Variants in NELL1 observed in about 807,000 individuals in gnomAD.
The protein encoded by NELL1 is protein kinase C-binding protein NELL1.
Under a neutral mutation model 107.4 loss-of-function variants are expected in NELL1, and 76 were observed. The ratio of observed to expected loss-of-function variants is 0.71; its 90% CI spans 0.59 to 0.86. The LOEUF (loss-of-function observed/expected upper bound fraction) is 0.86, where lower values mean the gene tolerates loss of function less well. Ranked by LOEUF, NELL1 falls within the 40% of genes least tolerant of loss-of-function variation. NELL1 has a pLI of 0.00. For missense variants in NELL1, 1,024 were observed against 1,005.5 expected, an observed-to-expected ratio of 1.02 and a Z score of -0.25; for synonymous variants, 353 against 341.2, an observed-to-expected ratio of 1.03 and a Z score of -0.38.
chr11:21,480,472 A>G (rs2133899038), intron 15 of NELL1, among the ~76,000 whole-genome samples: 1 of 152,324 alleles, frequency 6.6e-6, no homozygotes, highest in East Asian at 1.9e-4. Flanking sequence ...TCCTTTCAGA[A>G]GTGAAGCTAT....
At chr11:21,526,613 G>A (rs146403337) in intron 15 of NELL1, among the ~76,000 whole-genome samples, 401 of 152,286 alleles carry the variant, frequency 2.6e-3, no homozygotes, top group East Asian at 4.4e-3. Context: ...AGGCATTTCC[G>A]TACATCCTCT....
intron 15 of NELL1, among the ~76,000 whole-genome samples, chr11:21,371,900 A>AT (rs969851565): frequency 5.9e-5 from 9 of 152,038 alleles, no homozygotes; most frequent in South Asian, 2.1e-4. Flanking sequence ...TTTAGATAAC[A>AT]TTTTTTTATG....
intron 5 of NELL1, among the ~76,000 whole-genome samples, chr11:20,886,254 T>C (rs1344368719): frequency 6.6e-6 from 1 of 151,722 alleles, no homozygotes; most frequent in African/African-American, 2.4e-5. Context: ...ACATCCAAAA[T>C]TTTTTTTAAA....
intron 12 of NELL1, among the ~76,000 whole-genome samples, chr11:21,030,253 C>T (rs1433298800): frequency 6.6e-6 from 1 of 152,168 alleles, no homozygotes; most frequent in Non-Finnish European, 1.5e-5. Flanking sequence ...GGAAGGGTCC[C>T]TGATTCTTCC....
intron 12 of NELL1, among the ~76,000 whole-genome samples, chr11:21,034,328 G>T (rs1406243808): frequency 2.0e-5 from 3 of 152,116 alleles, no homozygotes; most frequent in African/African-American, 7.2e-5. Flanking sequence ...TAGGTACGTG[G>T]CCTTATTTCT....
intron 15 of NELL1, among the ~76,000 whole-genome samples, chr11:21,393,870 A>G (rs913174286): frequency 1.3e-5 from 2 of 151,596 alleles, no homozygotes; most frequent in Non-Finnish European, 3.0e-5. Context: ...AGGTACTTTT[A>G]TATCCTTTTC....
intron 3 of NELL1, among the ~76,000 whole-genome samples, chr11:20,819,457 G>T (rs1226736196): frequency 6.6e-6 from 1 of 152,204 alleles, no homozygotes; most frequent in Non-Finnish European, 1.5e-5. Context: ...GATGTCCAGT[G>T]CCCACTTGGG....
Position 20,996,750 on chromosome 11 carries a change from C to A in NELL1, c.1300+36190C>A, listed in dbSNP as rs1231637264. On this transcript the variant is annotated intron_variant, in intron 12 of 19. Coordinates refer to ENST00000357134, the MANE Select transcript of NELL1 (RefSeq NM_006157.5). ...GCTCTCCTTCTAGACTTCCAGACAG[C>A]AAATTGAGTAGCAAATTCTTTGTTC... 4.2e-4 allele frequency among the ~76,000 whole-genome samples: 64 copies of A among 152,290 alleles called. 1 individual carries two copies. The highest frequency in any genetic ancestry group is 4.1e-3 in the Admixed American group (63 of 15,294).
intron 12 of NELL1, among the ~76,000 whole-genome samples, chr11:21,067,648 G>C (rs2134373098): frequency 6.6e-6 from 1 of 152,266 alleles, no homozygotes; most frequent in African/African-American, 2.4e-5. Context: ...AAAATGCTTT[G>C]GAGAGCATTG....
intron 15 of NELL1, among the ~76,000 whole-genome samples, chr11:21,530,233 G>A (rs771978674): frequency 6.6e-6 from 1 of 152,098 alleles, no homozygotes; most frequent in Admixed American, 6.6e-5. Flanking sequence ...CACTACTTCA[G>A]TGCAAGCTTT....
chr11:21,035,563 C>T (rs1478781482), intron 12 of NELL1, among the ~76,000 whole-genome samples: 9 of 151,180 alleles, frequency 6.0e-5, no homozygotes, highest in Admixed American at 4.0e-4. Context: ...TTCCCTCGAA[C>T]GCAAGCTTGG....
At chr11:21,321,146 C>T (rs1440238261) in intron 14 of NELL1, among the ~76,000 whole-genome samples, 1 of 152,190 alleles carries the variant, frequency 6.6e-6, no homozygotes, top group Non-Finnish European at 1.5e-5. Context: ...AATTCCCTGG[C>T]TCTGAAAATG....
chr11:21,435,856 T>C (rs1016308501), intron 15 of NELL1, among the ~76,000 whole-genome samples: 3 of 151,822 alleles, frequency 2.0e-5, no homozygotes, highest in Non-Finnish European at 4.4e-5. Flanking sequence ...GCTGGCTTCA[T>C]AGAATGAGTT....
At chr11:20,752,432 C>G (rs1564893545) in intron 2 of NELL1, among the ~76,000 whole-genome samples, 1 of 152,122 alleles carries the variant, frequency 6.6e-6, no homozygotes, top group Non-Finnish European at 1.5e-5. Context: ...GCCTGTAATC[C>G]CAGCTACTTG....
intron 15 of NELL1, among the ~76,000 whole-genome samples, chr11:21,407,592 C>T (rs1173163062): frequency 6.6e-6 from 1 of 151,480 alleles, no homozygotes; most frequent in Non-Finnish European, 1.5e-5. Flanking sequence ...TTACTTAACT[C>T]TACTCCTTAT....
intron 2 of NELL1, among the ~76,000 whole-genome samples, chr11:20,690,285 A>T (rs1854427320): frequency 6.6e-6 from 1 of 152,084 alleles, no homozygotes; most frequent in African/African-American, 2.4e-5. Context: ...TCTTTAGTTT[A>T]ATTAGATCCC....
intron 12 of NELL1, among the ~76,000 whole-genome samples, chr11:21,041,402 T>G (rs1853228267): frequency 6.6e-6 from 1 of 152,184 alleles, no homozygotes; most frequent in Admixed American, 6.6e-5. Flanking sequence ...TTTAGGCTAC[T>G]TTTTTATAGC....
chr11:21,520,700 C>A (rs1259824262), intron 15 of NELL1, among the ~76,000 whole-genome samples: 1 of 152,130 alleles, frequency 6.6e-6, no homozygotes, highest in African/African-American at 2.4e-5. Context: ...GGCCCAGTGT[C>A]TAAAGGTGCA....
chr11:20,894,012 G>T (rs1176705682), intron 5 of NELL1, among the ~76,000 whole-genome samples: 1 of 152,124 alleles, frequency 6.6e-6, no homozygotes. Context: ...GTATGTTGTA[G>T]CCTGGCAGAA....
Sources: gnomAD v4.1 joint callset for allele counts (sites outside exome capture counted in the v4.1 genomes callset) on GRCh38, gnomAD v4.1.1 for gene constraint, MANE v1.5 for transcripts, NCBI Gene and HGNC (gene_info 2026-07-23, HGNC 2026-07-21) for gene names.